DIP2B: variants seen among roughly 807,000 people sequenced by gnomAD.
DIP2B encodes disco-interacting protein 2 homolog B.
DIP2B carries 76 observed loss-of-function variants against 198.0 expected under a neutral mutation model. The observed-to-expected ratio is 0.38, with a 90% CI of 0.32 to 0.46. The LOEUF (loss-of-function observed/expected upper bound fraction) is 0.46. Ranked by LOEUF, DIP2B falls within the 20% of genes least tolerant of loss-of-function variation. The pLI is 0.99. For synonymous variants in DIP2B, 701 were observed against 739.1 expected (o/e 0.95, Z 0.84); for missense variants, 1,559 against 1,978.4 (o/e 0.79, Z 4.02).
Position 50,721,326 on chromosome 12 carries a change from G to T in DIP2B, c.3096G>T (p.Arg1032Ser). 6.2e-7 allele frequency: 1 copy of T among 1,614,152 alleles called. No homozygotes were observed. The highest frequency in any genetic ancestry group is 8.5e-7 in the Non-Finnish European group (1 of 1,180,004). ...TTCAGCTTCATAAGCGAGCAGAGAGGATTGCATCTGTTCTTGGTGATAAGG... is the reference window on the plus strand; with the variant it reads ...TTCAGCTTCATAAGCGAGCAGAGAGTATTGCATCTGTTCTTGGTGATAAGG... ...SCLQLHKRAE[R>S]IASVLGDKGH... Residue 1032 changes from arginine (R) to serine (S), a missense_variant, in exon 26 of 38, where the codon AGG becomes AGT. Arg to Ser is a moderately radical substitution (Grantham distance 110). Coordinates refer to ENST00000301180, the MANE Select transcript of DIP2B (RefSeq NM_173602.3).
Position 50,702,563 on chromosome 12 carries a change from T to TA in DIP2B, c.2326-1567dup, listed in dbSNP as rs1230907145. 3.0e-3 allele frequency among the ~76,000 whole-genome samples: 442 copies of TA among 148,324 alleles called. 4 individuals carry two copies. The highest frequency in any genetic ancestry group is 0.01 in the African/African-American group (417 of 40,430). Reference sequence around the variant, plus strand: ...AGCAACAGAGCAAAAAACTCTGTCTTAAAAAAAAAATTATCCGGGTGCTGT... The same window carrying TA: ...AGCAACAGAGCAAAAAACTCTGTCTTAAAAAAAAAAATTATCCGGGTGCTGT... On this transcript the variant is annotated intron_variant, in intron 19 of 37. Coordinates refer to ENST00000301180, the MANE Select transcript of DIP2B (RefSeq NM_173602.3).
chr12:50,608,295 T>C (rs1959001428), intron 1 of DIP2B, among the ~76,000 whole-genome samples: 2 of 152,224 alleles, frequency 1.3e-5, no homozygotes, highest in South Asian at 4.1e-4. Flanking sequence ...CCATTTTGAT[T>C]ATGCTGAAAA....
chr12:50,639,590 T>C (rs2139485474), intron 2 of DIP2B, among the ~76,000 whole-genome samples: 1 of 151,930 alleles, frequency 6.6e-6, no homozygotes, highest in East Asian at 1.9e-4. Flanking sequence ...CTGCTTTGAG[T>C]CTTTTTTTTT....
chr12:50,637,791 C>T lies in DIP2B; in HGVS notation c.173-2933C>T, dbSNP rs1000684647. Among the ~76,000 whole-genome samples, 4 of 152,248 alleles carry T rather than the reference C, an allele frequency of 2.6e-5. No individual in the cohort carries two copies. The East Asian group carries it at 5.8e-4, about 22-fold the overall frequency. ...GTGAGAATATCTGTTAAATCATAAG[C>T]AGAATTAAAAGATAACATGTGGAGG... On this transcript the variant is annotated intron_variant, in intron 2 of 37. Transcript: ENST00000301180.
At chr12:50,520,612 TAAAAA>T (rs1336927669) in intron 1 of DIP2B, among the ~76,000 whole-genome samples, 1 of 152,168 alleles carries the variant, frequency 6.6e-6, no homozygotes, top group African/African-American at 2.4e-5. Flanking sequence ...AACATCCTGT[TAAAAA>T]AACAACTTCT....
chr12:50,686,494 T>C, intron 11 of DIP2B, 79 bp from the exon 12 acceptor site: 1 of 1,221,474 alleles, frequency 8.2e-7, no homozygotes, highest in Non-Finnish European at 1.2e-6. Context: ...GGTCTCTTGA[T>C]ATTTAAAATG....
intron 1 of DIP2B, 104 bp from the exon 2 acceptor site, chr12:50,625,872 C>T (rs886319143): frequency 6.5e-5 from 77 of 1,189,352 alleles, no homozygotes; most frequent in Non-Finnish European, 8.7e-5. Flanking sequence ...CCCCCTGCCT[C>T]TATATGGGGT....
At chr12:50,535,367 A>C (rs186039349) in intron 1 of DIP2B, among the ~76,000 whole-genome samples, 2 of 145,568 alleles carry the variant, frequency 1.4e-5, no homozygotes, top group African/African-American at 4.9e-5. Context: ...GGAATCAGGA[A>C]ATTTTTTTTT....
chr12:50,512,744 G>A (rs539565752), intron 1 of DIP2B, among the ~76,000 whole-genome samples: 2 of 152,284 alleles, frequency 1.3e-5, no homozygotes, highest in South Asian at 2.1e-4. Flanking sequence ...AGTGGCTCCC[G>A]CCTGTAATCC....
intron 30 of DIP2B, among the ~76,000 whole-genome samples, chr12:50,730,413 C>G (rs1314289801): frequency 7.1e-6 from 1 of 141,320 alleles, no homozygotes; most frequent in Non-Finnish European, 1.5e-5. Context: ...GAGACAGGGT[C>G]TCAATCTGTC....
At chr12:50,686,707 C>A in intron 12 of DIP2B, 25 bp downstream of exon 12, 1 of 1,596,070 alleles carries the variant, frequency 6.3e-7, no homozygotes, top group Non-Finnish European at 8.5e-7. Context: ...GTAAAATATG[C>A]TTTCAGGCTT....
At chr12:50,646,532 G>A (rs1422027799) in intron 3 of DIP2B, among the ~76,000 whole-genome samples, 1 of 151,592 alleles carries the variant, frequency 6.6e-6, no homozygotes. Flanking sequence ...AGTAATTCTC[G>A]TGCCTCAGTC....
chr12:50,555,480 C>T (rs1958462424), intron 1 of DIP2B, among the ~76,000 whole-genome samples: 1 of 151,954 alleles, frequency 6.6e-6, no homozygotes, highest in Non-Finnish European at 1.5e-5. Context: ...CTTTTTTGTC[C>T]TTATGGTTAA....
intron 1 of DIP2B, among the ~76,000 whole-genome samples, chr12:50,546,782 C>T (rs536227849): frequency 1.1e-4 from 16 of 151,990 alleles, no homozygotes; most frequent in Non-Finnish European, 1.6e-4. Context: ...ATTTTTAAAA[C>T]GTATTATGAA....
At chr12:50,625,338 T>A (rs1937912055) in intron 1 of DIP2B, among the ~76,000 whole-genome samples, 1 of 152,236 alleles carries the variant, frequency 6.6e-6, no homozygotes, top group Admixed American at 6.5e-5. Flanking sequence ...TATCAGTTTA[T>A]CCTTATTGCA....
At chr12:50,683,023 T>C in intron 9 of DIP2B, 115 bp from the exon 10 acceptor site, 2 of 900,666 alleles carry the variant, frequency 2.2e-6, no homozygotes, top group Non-Finnish European at 3.3e-6. Flanking sequence ...CAGATGGCTG[T>C]TAAATAGTTT....
chr12:50,505,195 G>T lies in DIP2B; in HGVS notation c.55G>T (p.Glu19Ter). 6.6e-7 allele frequency: 1 copy of T among 1,524,700 alleles called. No homozygotes were observed. The highest frequency in any genetic ancestry group is 8.8e-7 in the Non-Finnish European group (1 of 1,141,492). The allele number at this position is 1,524,700 out of a possible 1,614,324, so 94.4% of individuals were successfully genotyped here. ...SPAAVAALPP[E>*]VRAQLAELEL... ...GGCCGCGGTGGCGGCGCTGCCGCCT[G>T]AAGTGCGGGCGCAGCTGGCGGAGCT... The change falls in exon 1 of 38, where the codon GAA (glutamate) becomes TAA (stop). Residue 19 changes from glutamate to a stop codon, truncating the protein, a stop_gained. Transcript: ENST00000301180. LOFTEE classifies it high-confidence loss of function.
At chr12:50,547,671 A>G (rs1427338109) in intron 1 of DIP2B, among the ~76,000 whole-genome samples, 1 of 152,238 alleles carries the variant, frequency 6.6e-6, no homozygotes, top group Admixed American at 6.5e-5. Flanking sequence ...TAAGTCTACT[A>G]AAAGAGCTAG....
intron 1 of DIP2B, among the ~76,000 whole-genome samples, chr12:50,608,741 T>G (rs757233327): frequency 6.6e-6 from 1 of 152,250 alleles, no homozygotes; most frequent in Non-Finnish European, 1.5e-5. Context: ...TACATTAGTT[T>G]AAAAGTTTCT....
Sources: gnomAD v4.1 joint callset for allele counts (sites outside exome capture counted in the v4.1 genomes callset) on GRCh38, gnomAD v4.1.1 for gene constraint, MANE v1.5 for transcripts, NCBI Gene and HGNC (gene_info 2026-07-23, HGNC 2026-07-21) for gene names.